BICRA: variants seen among roughly 807,000 people sequenced by gnomAD.
The protein encoded by BICRA is BRD4-interacting chromatin-remodeling complex-associated protein.
A neutral mutation model predicts 96.9 loss-of-function variants in BICRA; 31 were observed. That is an observed-to-expected ratio of 0.32 (90% CI 0.24 to 0.43). The LOEUF (loss-of-function observed/expected upper bound fraction) is 0.43, where lower values mean the gene tolerates loss of function less well. Among genes scored for constraint, BICRA ranks in the 20% least tolerant of loss-of-function variants. The probability of loss-of-function intolerance (pLI) is 1.00; values close to 1 mark genes in which losing one functional copy is unlikely to be tolerated. For synonymous variants in BICRA, 1,350 were observed against 1,071.8 expected, an observed-to-expected ratio of 1.26 and a Z score of -5.07; for missense variants, 2,283 against 2,190.3, an observed-to-expected ratio of 1.04 and a Z score of -0.84.
intron 7 of BICRA, among the ~76,000 whole-genome samples, chr19:47,692,336 C>T (rs1973254039): frequency 6.6e-6 from 1 of 152,156 alleles, no homozygotes; most frequent in African/African-American, 2.4e-5. Flanking sequence ...AAGCAATTCT[C>T]CAGCCTCAGT....
intron 1 of BICRA, among the ~76,000 whole-genome samples, chr19:47,633,468 A>T (rs1599797312): frequency 6.6e-6 from 1 of 151,920 alleles, no homozygotes; most frequent in Non-Finnish European, 1.5e-5. Flanking sequence ...CTCCCAAAGT[A>T]CTGTAATTAC....
intron 7 of BICRA, 105 bp downstream of exon 7, chr19:47,682,257 C>T: frequency 1.7e-6 from 1 of 593,910 alleles, no homozygotes; most frequent in Non-Finnish European, 3.0e-6. Context: ...CTCTGTTCTG[C>T]TGACTTGGAA....
rs1404778403 is a variant in BICRA, at chr19:47,675,833, G to T, written c.85-18G>T. On this transcript the variant is annotated intron_variant, in intron 4 of 14. Coordinates refer to ENST00000594866, the MANE Select transcript of BICRA (RefSeq NM_001394372.1). The surrounding 1 kb of genome is among the most constrained non-coding windows in gnomAD (Gnocchi z 4.7). Reference sequence around the variant, plus strand: ...CCCTGCTGACTTTTGACCTTGGATGGGGCGGGTCTTGTTGCAGCTTGACAG... The same window carrying T: ...CCCTGCTGACTTTTGACCTTGGATGTGGCGGGTCTTGTTGCAGCTTGACAG... The T allele has an allele frequency of 6.2e-7, 1 of 1,600,702 alleles. No homozygotes were observed. Among genetic ancestry groups the T allele is most frequent in the Non-Finnish European group, 8.5e-7 (1 of 1,171,478 alleles).
intron 5 of BICRA, among the ~76,000 whole-genome samples, chr19:47,676,452 C>T (rs971597246): frequency 2.5e-4 from 38 of 152,052 alleles, no homozygotes; most frequent in Non-Finnish European, 2.8e-4. Context: ...CTGACTATGC[C>T]GGTCCCATGA....
At chr19:47,667,148 C>T (rs560670966) in intron 1 of BICRA, among the ~76,000 whole-genome samples, 12 of 151,780 alleles carry the variant, frequency 7.9e-5, no homozygotes, top group African/African-American at 1.5e-4. Flanking sequence ...CCTCCCGAGT[C>T]GCTAGGACTA....
chr19:47,670,943 C>T (rs951146464), intron 2 of BICRA, among the ~76,000 whole-genome samples: 3 of 151,958 alleles, frequency 2.0e-5, no homozygotes, highest in East Asian at 3.9e-4. Flanking sequence ...TCTAAGGCAG[C>T]GAGAGCCCGG....
chr19:47,680,938 C>G lies in BICRA; in HGVS notation c.1768C>G (p.Pro590Ala). Residue 590 changes from proline to alanine, a missense_variant, in exon 6 of 15, where the codon CCC becomes GCC. Transcript: ENST00000594866. The stretch of plus-strand genomic sequence containing the variant: ...TGTCCTCCAGGGGGTCACCCTGCCC[C>G]CCAGCGCCGTGGCCATGCTCAACAC... ...TTVLQGVTLP[P>A]SAVAMLNTPD... The G allele has an allele frequency of 6.8e-7, 1 of 1,478,726 alleles. No individual in the cohort carries two copies. The highest frequency in any genetic ancestry group is 8.9e-7 in the Non-Finnish European group (1 of 1,125,510). The allele number at this position is 1,478,726 out of a possible 1,614,324, so 91.6% of individuals were successfully genotyped here.
In BICRA at chr19:47,629,875, C is replaced by G. The variant is rs145181507; in HGVS notation, c.-108+20707C>G. ...GTTTCGCCATGTTGGCCAGCGTGGTCTCTAACTCCTGACCTCAGGTGATCC... is the reference window on the plus strand; with the variant it reads ...GTTTCGCCATGTTGGCCAGCGTGGTGTCTAACTCCTGACCTCAGGTGATCC... On this transcript the variant is annotated intron_variant, in intron 1 of 14. Transcript: ENST00000594866. Among the ~76,000 whole-genome samples, 415 of 152,270 alleles carry G rather than the reference C, an allele frequency of 2.7e-3. 2 individuals are homozygous for G. The highest frequency in any genetic ancestry group is 9.7e-3 in the African/African-American group (404 of 41,554).
intron 1 of BICRA, among the ~76,000 whole-genome samples, chr19:47,668,507 G>A (rs1250130014): frequency 3.0e-4 from 38 of 128,378 alleles, no homozygotes; most frequent in Middle Eastern, 4.1e-3. Flanking sequence ...TTTTTTTTGA[G>A]ACGGAGTCTA....
chr19:47,614,680 T>G (rs575972701), intron 1 of BICRA, among the ~76,000 whole-genome samples: 1 of 152,304 alleles, frequency 6.6e-6, no homozygotes, highest in South Asian at 2.1e-4. Flanking sequence ...GGTAGTCTGG[T>G]CTATGCATTG....
rs1374115229 is a variant in BICRA, at chr19:47,702,129, C to T, written c.4397C>T (p.Ala1466Val). 11 of 1,533,398 alleles carry T rather than the reference C, an allele frequency of 7.2e-6. No homozygotes were observed. The African/African-American group carries it at 1.1e-4, about 16-fold the overall frequency. The allele number at this position is 1,533,398 out of a possible 1,614,324, so 95.0% of individuals were successfully genotyped here. The stretch of plus-strand genomic sequence containing the variant: ...GGCACCGGGGACCCCGACTGGGAGG[C>T]GCCCGGGCTGCCCCCTGCCAAGCGG... ...AQGTGDPDWE[A>V]PGLPPAKRRK... is the part of the protein sequence containing the mutation. The change falls in exon 15 of 15, where the codon GCG (alanine) becomes GTG (valine). Residue 1466 changes from alanine (A) to valine (V), a missense_variant. Transcript: ENST00000594866.
Position 47,702,931 on chromosome 19 carries a change from C to G in BICRA, c.*516C>G, listed in dbSNP as rs1010793728. 1.1e-5 allele frequency: 2 copies of G among 177,124 alleles called. No homozygotes were observed. The highest frequency in any genetic ancestry group is 3.8e-4 in the East Asian group (2 of 5,236). The allele number at this position is 177,124 out of a possible 1,614,324, so 11.0% of individuals were successfully genotyped here. A position where few individuals can be genotyped will look rare whatever the true frequency, so the allele number is the denominator to read the frequency against. ...AGCCAGCCTCCCAGCGTGCTGTGCC[C>G]GCAGGCACCCGTGTGACATCCGCAC... On this transcript the variant is annotated 3_prime_UTR_variant, in exon 15 of 15. Transcript: ENST00000594866.
At chr19:47,678,508 AT>A (rs1257249701) in intron 5 of BICRA, among the ~76,000 whole-genome samples, 1 of 152,156 alleles carries the variant, frequency 6.6e-6, no homozygotes, top group Non-Finnish European at 1.5e-5. Flanking sequence ...GCGATGCAGG[AT>A]CACGTTGGGC....
At chr19:47,627,456 GT>G (rs1404155073) in intron 1 of BICRA, among the ~76,000 whole-genome samples, 2 of 152,196 alleles carry the variant, frequency 1.3e-5, no homozygotes, top group Non-Finnish European at 2.9e-5. Flanking sequence ...CCTTGTAGGT[GT>G]TTCAAAATTC....
At chr19:47,616,968 A>G (rs1468287784) in intron 1 of BICRA, among the ~76,000 whole-genome samples, 23 of 151,800 alleles carry the variant, frequency 1.5e-4, no homozygotes, top group Non-Finnish European at 1.5e-5. Flanking sequence ...AGCTATGGCT[A>G]CAGATGTGGG....
Position 47,701,297 on chromosome 19 carries a change from C to T in BICRA, c.3596-31C>T. On this transcript the variant is annotated intron_variant, in intron 14 of 14. Transcript: ENST00000594866. This position sits in a 1 kb window ranked among gnomAD's most constrained non-coding sequence, Gnocchi z 5.4. Reference sequence around the variant, plus strand: ...TCGGTCGGGGGGTCCTCATCCTAACCCCGCGGGTTTTCTTTGCCCCGATTC... The same window carrying T: ...TCGGTCGGGGGGTCCTCATCCTAACTCCGCGGGTTTTCTTTGCCCCGATTC... The T allele has an allele frequency of 1.3e-6, 2 of 1,563,212 alleles. No homozygotes were observed. Among genetic ancestry groups the T allele is most frequent in the South Asian group, 1.1e-5 (1 of 89,502 alleles).
intron 1 of BICRA, among the ~76,000 whole-genome samples, chr19:47,621,466 CTTT>C (rs751401159): frequency 5.9e-5 from 8 of 134,990 alleles, no homozygotes; most frequent in Non-Finnish European, 4.8e-5. Flanking sequence ...ATTTTTTAGT[CTTT>C]TTTTTTTTTT....
Position 47,685,782 on chromosome 19 carries a change from T to TGCGCGCGC in BICRA, c.2283+3631_2283+3632insCGCGCGCG, listed in dbSNP as rs1204894941. 4.6e-4 allele frequency among the ~76,000 whole-genome samples: 57 copies of TGCGCGCGC among 124,904 alleles called. No homozygotes were observed. The East Asian group carries it at 6.7e-3, about 15-fold the overall frequency. 81.9% of individuals were successfully genotyped at this position (124,904 alleles called of 152,430 possible). ...GTGTGTGTGTGTGTGTGTGTGTGTG[T>TGCGCGCGC]GTGTGCGCGCGCGCGCGCATGCGTA... On this transcript the variant is annotated intron_variant, in intron 7 of 14. Coordinates refer to ENST00000594866, the MANE Select transcript of BICRA (RefSeq NM_001394372.1).
At chr19:47,673,477 C>T (rs1048386390) in intron 2 of BICRA, 93 bp from the exon 3 acceptor site, 1 of 991,514 alleles carries the variant, frequency 1.0e-6, no homozygotes, top group South Asian at 1.3e-5. Context: ...CTCTGACCCC[C>T]TCCAGGGGGC....
Sources: allele counts gnomAD v4.1 joint callset (sites outside exome capture counted in the v4.1 genomes callset), GRCh38; gene constraint gnomAD v4.1.1; non-coding constraint Gnocchi (gnomAD v3.1); transcripts MANE v1.5; gene names NCBI Gene and HGNC (gene_info 2026-07-23, HGNC 2026-07-21).